Variants in PLA2G6 observed in about 807,000 individuals in gnomAD.
PLA2G6 encodes the protein 85/88 kDa calcium-independent phospholipase A2.
A neutral mutation model predicts 83.8 loss-of-function variants in PLA2G6; 62 were observed. The observed-to-expected ratio is 0.74, with a 90% confidence interval of 0.60 to 0.91. The LOEUF is 0.91. PLA2G6 is among the 40% of genes least tolerant of loss of function. PLA2G6 has a pLI of 0.00. For missense variants in PLA2G6, 944 were observed against 1,102.0 expected (o/e 0.86, Z 2.03); for synonymous variants, 417 against 449.8 (o/e 0.93, Z 0.92).
chr22:38,134,767 A>T (rs1240328784), intron 6 of PLA2G6: 1 of 563,942 alleles, frequency 1.8e-6, no homozygotes, highest in Non-Finnish European at 3.2e-6. Flanking sequence ...TTCATGGATG[A>T]GGAAACTGAG....
intron 2 of PLA2G6, among the ~76,000 whole-genome samples, chr22:38,160,088 T>TA (rs576884447): frequency 1.8e-4 from 28 of 152,332 alleles, no homozygotes; most frequent in African/African-American, 6.7e-4. Flanking sequence ...ATTGAGCTGA[T>TA]ACTTCACTGA....
At chr22:38,179,721 C>A (rs1247731569) in intron 1 of PLA2G6, among the ~76,000 whole-genome samples, 1 of 151,980 alleles carries the variant, frequency 6.6e-6, no homozygotes, top group African/African-American at 2.4e-5. Flanking sequence ...TGCAGTGAGC[C>A]GAGATCGTGC....
At chr22:38,116,298 G>A in intron 12 of PLA2G6, 87 bp from the exon 13 acceptor site, 1 of 1,434,038 alleles carries the variant, frequency 7.0e-7, no homozygotes, top group Middle Eastern at 1.7e-4. Flanking sequence ...AGGGCCTTGG[G>A]TAGCAGAGTG....
intron 2 of PLA2G6, among the ~76,000 whole-genome samples, chr22:38,159,009 G>A (rs899592865): frequency 1.3e-5 from 2 of 150,726 alleles, no homozygotes; most frequent in African/African-American, 4.9e-5. Context: ...GACCAGCCTG[G>A]CCAATATGGT....
intron 2 of PLA2G6, among the ~76,000 whole-genome samples, chr22:38,168,803 T>C (rs1036962550): frequency 6.6e-6 from 1 of 152,076 alleles, no homozygotes; most frequent in African/African-American, 2.4e-5. Flanking sequence ...TGAGCCGAGA[T>C]TGCGCCACTG....
At chr22:38,127,378 C>G in intron 9 of PLA2G6, 1 of 1,311,330 alleles carries the variant, frequency 7.6e-7, no homozygotes, top group Non-Finnish European at 1.0e-6. Flanking sequence ...TGGCTAGGCT[C>G]GGTGGCCTCT....
At position 38,181,725 on chromosome 22, in the gene PLA2G6, A is replaced by C. The variant is rs913390533; in HGVS notation, c.-107T>G. 49 of 152,238 alleles carry C rather than the reference A, an allele frequency of 3.2e-4. No individual in the cohort carries two copies. Among genetic ancestry groups the C allele is most frequent in the African/African-American group, 1.2e-3 (48 of 41,452 alleles). The allele number at this position is 152,238 out of a possible 1,614,324, so 9.4% of individuals were successfully genotyped here. ...GTCCGGCGGAGACTTGGGAGTCCGG[A>C]GCGCCGAGGAAGTTGGGGAACGGAC... is the stretch of plus-strand genomic sequence containing the variant. On this transcript the variant is annotated 5_prime_UTR_variant, in exon 1 of 17. Transcript: ENST00000332509.
intron 2 of PLA2G6, among the ~76,000 whole-genome samples, chr22:38,159,560 C>T (rs2089925069): frequency 6.6e-6 from 1 of 152,040 alleles, no homozygotes; most frequent in Admixed American, 6.6e-5. Context: ...GAGACCGTGT[C>T]TCTACAAAAA....
At chr22:38,143,016 G>A in intron 4 of PLA2G6, 89 bp downstream of exon 4, 1 of 1,231,364 alleles carries the variant, frequency 8.1e-7, no homozygotes, top group Non-Finnish European at 1.2e-6. Flanking sequence ...TGAGAGGCCT[G>A]AGAGTGACAC....
rs924739230 is a variant in PLA2G6 at position 38,132,408 on chromosome 22, T to TTA, written c.1077+421_1077+422dup. ...TCGGGCCAGGTACTGCGTGTGTCAC[T>TTA]TAGACATTCTGTAGAGGGTGACCAA... On this transcript the variant is annotated intron_variant, in intron 7 of 16. Transcript: ENST00000332509. This position sits in a 1 kb window ranked among gnomAD's most constrained non-coding sequence, Gnocchi z 5.0. The TTA allele has an allele frequency of 6.1e-6, 2 of 325,270 alleles. No homozygotes were observed. Among genetic ancestry groups the TTA allele is most frequent in the Non-Finnish European group, 1.2e-5 (2 of 168,372 alleles). The allele number at this position is 325,270 out of a possible 1,614,324, so 20.1% of individuals were successfully genotyped here. A position where few individuals can be genotyped will look rare whatever the true frequency, so the allele number is the denominator to read the frequency against.
intron 10 of PLA2G6, among the ~76,000 whole-genome samples, chr22:38,125,207 T>C (rs927636617): frequency 1.3e-5 from 2 of 152,132 alleles, no homozygotes; most frequent in Non-Finnish European, 2.9e-5. Context: ...TGTGTGTGCA[T>C]GCACGTGTGT....
intron 3 of PLA2G6, 108 bp from the exon 4 acceptor site, chr22:38,143,396 G>T (rs1010205268): frequency 3.0e-5 from 31 of 1,030,280 alleles, no homozygotes; most frequent in South Asian, 3.9e-5. Context: ...GGACTTTCTG[G>T]TTTATTTGAG....
chr22:38,115,489 G>A (rs1165017783), intron 14 of PLA2G6, 38 bp downstream of exon 14: 8 of 1,589,674 alleles, frequency 5.0e-6, no homozygotes, highest in East Asian at 2.2e-5. Context: ...TGGCTCCAGG[G>A]AGCAGTGGGT....
Position 38,116,055 on chromosome 22 carries a change from G to C in PLA2G6, c.1879+20C>G. 3 of 1,612,608 alleles carry C rather than the reference G, an allele frequency of 1.9e-6. No homozygotes were observed. Among genetic ancestry groups the C allele is most frequent in the Non-Finnish European group, 2.5e-6 (3 of 1,179,386 alleles). ...CTCGGGCCAGTCGCTTCCCATGGAT[G>C]CATCAAACATGGTTTAAACCTGAGG... is the stretch of plus-strand genomic sequence containing the variant. On this transcript the variant is annotated intron_variant, in intron 13 of 16. Coordinates refer to ENST00000332509, the MANE Select transcript of PLA2G6 (RefSeq NM_003560.4).
intron 14 of PLA2G6, among the ~76,000 whole-genome samples, 179 bp downstream of exon 14, chr22:38,115,348 G>C (rs916081183): frequency 2.0e-5 from 3 of 152,204 alleles, no homozygotes; most frequent in Non-Finnish European, 4.4e-5. Context: ...CAGTGCTTCA[G>C]GCAGATCCCA....
chr22:38,140,432 C>T, intron 4 of PLA2G6: 1 of 438,372 alleles, frequency 2.3e-6, no homozygotes. Flanking sequence ...CGCTTGAACC[C>T]AGGAGGCAGA....
chr22:38,115,882 C>A, intron 13 of PLA2G6, 193 bp downstream of exon 13: 1 of 1,480,298 alleles, frequency 6.8e-7, no homozygotes, highest in Non-Finnish European at 9.0e-7. Flanking sequence ...GAGGACTTTC[C>A]AGGGACTTTT....
At chr22:38,169,845 C>G (rs2090366172) in intron 1 of PLA2G6, among the ~76,000 whole-genome samples, 1 of 152,202 alleles carries the variant, frequency 6.6e-6, no homozygotes, top group Non-Finnish European at 1.5e-5. Flanking sequence ...CAGTAATGCC[C>G]TGGGCAAATG....
intron 14 of PLA2G6, among the ~76,000 whole-genome samples, chr22:38,114,678 C>T (rs1475525804): frequency 6.6e-6 from 1 of 152,212 alleles, no homozygotes; most frequent in East Asian, 1.9e-4. Flanking sequence ...CCCTAGAGGG[C>T]GCTTCTCTGT....
Sources: allele counts gnomAD v4.1 joint callset (sites outside exome capture counted in the v4.1 genomes callset), GRCh38; gene constraint gnomAD v4.1.1; non-coding constraint Gnocchi (gnomAD v3.1); transcripts MANE v1.5; gene names NCBI Gene and HGNC (gene_info 2026-07-23, HGNC 2026-07-21).